The following ASIC2 variants were observed in gnomAD, a reference collection of about 807,000 sequenced individuals.
The protein encoded by ASIC2 is acid-sensing ion channel 2.
Under a neutral mutation model 57.3 loss-of-function variants are expected in ASIC2, and 25 were observed. The observed-to-expected ratio is 0.44, with a 90% CI of 0.32 to 0.61. The LOEUF (loss-of-function observed/expected upper bound fraction) is 0.61. ASIC2 is among the 20% of genes least tolerant of loss of function. The probability of loss-of-function intolerance (pLI) is 0.06; values close to 1 mark genes in which losing one functional copy is unlikely to be tolerated. For synonymous variants in ASIC2, 319 were observed against 307.5 expected (o/e 1.04, Z -0.39); for missense variants, 641 against 738.1 (o/e 0.87, Z 1.52).
intron 1 of ASIC2, among the ~76,000 whole-genome samples, chr17:33,725,925 C>A (rs1306036310): frequency 6.6e-6 from 1 of 152,154 alleles, no homozygotes; most frequent in Non-Finnish European, 1.5e-5. Flanking sequence ...GGTCCAGGAG[C>A]CGACTCTGGA....
At chr17:33,821,895 G>A (rs1462276048) in intron 1 of ASIC2, among the ~76,000 whole-genome samples, 1 of 152,182 alleles carries the variant, frequency 6.6e-6, no homozygotes, top group Admixed American at 6.5e-5. Context: ...ATAACAGTGA[G>A]CCCCTTTCAG....
chr17:33,805,403 G>T (rs977314336), intron 1 of ASIC2, among the ~76,000 whole-genome samples: 2 of 152,102 alleles, frequency 1.3e-5, no homozygotes, highest in African/African-American at 4.8e-5. Flanking sequence ...AGAGTAATAG[G>T]ACAGCCTAAT....
intron 1 of ASIC2, among the ~76,000 whole-genome samples, chr17:33,786,020 C>A (rs2142132438): frequency 6.6e-6 from 1 of 152,276 alleles, no homozygotes; most frequent in African/African-American, 2.4e-5. Context: ...GAAACTGAGT[C>A]TCAGGGAGAG....
At chr17:33,186,528 CGAGAGATT>C (rs1906202227) in intron 1 of ASIC2, among the ~76,000 whole-genome samples, 1 of 152,110 alleles carries the variant, frequency 6.6e-6, no homozygotes, top group African/African-American at 2.4e-5. Context: ...AAAGTAAATT[CGAGAGATT>C]TTCTTATTTA....
intron 1 of ASIC2, among the ~76,000 whole-genome samples, chr17:34,105,778 G>A (rs1273383387): frequency 1.3e-5 from 2 of 151,994 alleles, no homozygotes; most frequent in Admixed American, 1.3e-4. Flanking sequence ...ATGTGTGGGT[G>A]TATTTTCTGA....
chr17:33,781,711 C>T (rs543247255), intron 1 of ASIC2, among the ~76,000 whole-genome samples: 1 of 152,240 alleles, frequency 6.6e-6, no homozygotes, highest in South Asian at 2.1e-4. Flanking sequence ...GCTCCTTTCC[C>T]CCACCGCTGA....
intron 1 of ASIC2, among the ~76,000 whole-genome samples, chr17:33,302,438 C>T (rs990135398): frequency 6.6e-6 from 1 of 152,192 alleles, no homozygotes; most frequent in Non-Finnish European, 1.5e-5. Context: ...TCACCTGGCT[C>T]TCACCTCTGC....
At chr17:34,146,731 G>A (rs1428729837) in intron 1 of ASIC2, 1 of 152,246 alleles carries the variant, frequency 6.6e-6, no homozygotes, top group Non-Finnish European at 1.5e-5. Context: ...GAAGGGGACT[G>A]ATTAAGCTGT....
chr17:33,534,858 A>G (rs1034133020), intron 1 of ASIC2, among the ~76,000 whole-genome samples: 1 of 152,214 alleles, frequency 6.6e-6, no homozygotes, highest in African/African-American at 2.4e-5. Flanking sequence ...GAAGAAGTGC[A>G]CATTGATGTG....
chr17:34,104,807 T>C (rs1009245125), intron 1 of ASIC2, among the ~76,000 whole-genome samples: 1 of 145,336 alleles, frequency 6.9e-6, no homozygotes. Flanking sequence ...ATTCCTGAGA[T>C]AAAATTTAAT....
chr17:33,456,473 T>C (rs1234473798), intron 1 of ASIC2, among the ~76,000 whole-genome samples: 1 of 152,146 alleles, frequency 6.6e-6, no homozygotes, highest in Non-Finnish European at 1.5e-5. Context: ...TCGGAGCTCA[T>C]CCTTCAGTGA....
At chr17:33,212,770 C>A (rs1419195636) in intron 1 of ASIC2, among the ~76,000 whole-genome samples, 1 of 152,178 alleles carries the variant, frequency 6.6e-6, no homozygotes, top group African/African-American at 2.4e-5. Flanking sequence ...TTATCCTACT[C>A]CTCCTAGCCA....
chr17:33,158,381 T>C (rs997214042), intron 1 of ASIC2, among the ~76,000 whole-genome samples: 2 of 152,078 alleles, frequency 1.3e-5, no homozygotes, highest in Admixed American at 1.3e-4. Flanking sequence ...GGAGACAAGG[T>C]TGGGGAGAGG....
chr17:34,057,959 G>C (rs1280434919), intron 1 of ASIC2, among the ~76,000 whole-genome samples: 1 of 151,962 alleles, frequency 6.6e-6, no homozygotes, highest in Non-Finnish European at 1.5e-5. Flanking sequence ...AGAGCCCATA[G>C]TCCCAGACAT....
chr17:33,282,383 T>A (rs1904986767), intron 1 of ASIC2, among the ~76,000 whole-genome samples: 1 of 152,130 alleles, frequency 6.6e-6, no homozygotes, highest in Non-Finnish European at 1.5e-5. Context: ...CCCTAACTTG[T>A]GCCCCCTCTT....
chr17:33,434,208 T>C (rs1413120871), intron 1 of ASIC2, among the ~76,000 whole-genome samples: 1 of 151,956 alleles, frequency 6.6e-6, no homozygotes, highest in Non-Finnish European at 1.5e-5. Flanking sequence ...AACAGTGGCA[T>C]AGAATATCTA....
chr17:33,377,511 T>C (rs1909324614), intron 1 of ASIC2, among the ~76,000 whole-genome samples: 1 of 152,250 alleles, frequency 6.6e-6, no homozygotes, highest in African/African-American at 2.4e-5. Flanking sequence ...ACAATGGCTT[T>C]GACCCAATCG....
intron 1 of ASIC2, among the ~76,000 whole-genome samples, chr17:33,873,588 T>G (rs186411639): frequency 6.6e-6 from 1 of 152,214 alleles, no homozygotes; most frequent in Admixed American, 6.5e-5. Flanking sequence ...CTCAAAATCC[T>G]TATCTGTAAA....
intron 1 of ASIC2, among the ~76,000 whole-genome samples, chr17:33,571,082 C>T (rs1916420195): frequency 6.6e-6 from 1 of 152,144 alleles, no homozygotes; most frequent in Non-Finnish European, 1.5e-5. Context: ...CTACCCTGTT[C>T]CATTCACCAG....
Sources: allele counts gnomAD v4.1 joint callset (sites outside exome capture counted in the v4.1 genomes callset), GRCh38; gene constraint gnomAD v4.1.1; transcripts MANE v1.5; gene names NCBI Gene and HGNC (gene_info 2026-07-23, HGNC 2026-07-21).